Variants in SDK1 observed in about 807,000 individuals in gnomAD.
SDK1 encodes protein sidekick-1.
In SDK1, 157 loss-of-function variants were observed where a neutral mutation model predicts 245.5. The observed-to-expected ratio is 0.64, with a 90% CI of 0.56 to 0.73. SDK1 has a LOEUF of 0.73. SDK1 is among the 30% of genes least tolerant of loss of function. The pLI is 0.00. For missense variants in SDK1, 3,583 were observed against 3,002.3 expected, an observed-to-expected ratio of 1.19 and a Z score of -4.52; for synonymous variants, 1,647 against 1,278.5, an observed-to-expected ratio of 1.29 and a Z score of -6.15.
chr7:3,574,112 AT>A (rs992264249), intron 1 of SDK1, among the ~76,000 whole-genome samples: 19 of 144,970 alleles, frequency 1.3e-4, no homozygotes, highest in South Asian at 1.1e-3. Context: ...CATATACCTG[AT>A]TTTTTTTTTC....
In SDK1 at chr7:3,576,927, C is replaced by A. The variant is rs186269860; in HGVS notation, c.299-42153C>A. Reference sequence around the variant, plus strand: ...GCAGTTTAGTTTCCTCATAGCTGGTCGGGCACCTGAAGAAATAGTAGACTT... The same window carrying A: ...GCAGTTTAGTTTCCTCATAGCTGGTAGGGCACCTGAAGAAATAGTAGACTT... On this transcript the variant is annotated intron_variant, in intron 1 of 44. Coordinates refer to ENST00000404826, the MANE Select transcript of SDK1 (RefSeq NM_152744.4). Among the ~76,000 whole-genome samples, 253 of 152,114 alleles carry A rather than the reference C, an allele frequency of 1.7e-3. 1 individual carries two copies. Among genetic ancestry groups the A allele is most frequent in the African/African-American group, 6.0e-3 (248 of 41,550 alleles).
In SDK1 at chr7:3,390,112, G is replaced by C. The variant is rs1781710847; in HGVS notation, c.298+88228G>C. On this transcript the variant is annotated intron_variant, in intron 1 of 44. Transcript: ENST00000404826. ...TGGCTATTTAGGAGGAGATTTCCAA[G>C]CAAATTGTTGAAGGTACTGCTTGGA... is the stretch of plus-strand genomic sequence containing the variant. 5.3e-5 allele frequency among the ~76,000 whole-genome samples: 8 copies of C among 152,264 alleles called. 1 individual carries two copies. In the South Asian group the frequency reaches 1.5e-3, roughly 28 times the overall value.
At chr7:3,958,177 C>T in intron 7 of SDK1, 1 of 347,698 alleles carries the variant, frequency 2.9e-6, no homozygotes, top group Non-Finnish European at 5.6e-6. Flanking sequence ...AGAAAGTGAA[C>T]ACAACAGCCT....
intron 1 of SDK1, among the ~76,000 whole-genome samples, chr7:3,316,336 C>T (rs1779661663): frequency 6.6e-6 from 1 of 152,058 alleles, no homozygotes; most frequent in East Asian, 1.9e-4. Flanking sequence ...TAGTTGGCTC[C>T]TGTGTTCAGT....
intron 35 of SDK1, among the ~76,000 whole-genome samples, chr7:4,196,781 G>C (rs77087297): frequency 0.1 from 15,366 of 152,266 alleles, 870 homozygotes; most frequent in South Asian, 0.17. Flanking sequence ...CAGGCACACA[G>C]ATCCTACCTC....
At chr7:3,883,741 A>C (rs1781264917) in intron 5 of SDK1, among the ~76,000 whole-genome samples, 1 of 128,102 alleles carries the variant, frequency 7.8e-6, no homozygotes, top group South Asian at 2.4e-4. Context: ...AGGGATCATC[A>C]CTCTTCCTCC....
intron 1 of SDK1, among the ~76,000 whole-genome samples, chr7:3,403,628 A>G (rs1032296519): frequency 1.3e-5 from 2 of 151,450 alleles, no homozygotes; most frequent in South Asian, 2.1e-4. Context: ...CACAAATACA[A>G]TAAGATATGG....
At chr7:3,637,045 T>C (rs1258309403) in intron 2 of SDK1, among the ~76,000 whole-genome samples, 2 of 149,952 alleles carry the variant, frequency 1.3e-5, no homozygotes, top group African/African-American at 2.5e-5. Flanking sequence ...AGCTTTTTTT[T>C]CCTGATGCAG....
intron 4 of SDK1, among the ~76,000 whole-genome samples, chr7:3,659,495 C>T (rs1783288438): frequency 6.6e-6 from 1 of 152,168 alleles, no homozygotes; most frequent in African/African-American, 2.4e-5. Flanking sequence ...TGCAAAGGAG[C>T]TCAGGTGGCA....
intron 5 of SDK1, among the ~76,000 whole-genome samples, chr7:3,949,012 T>C (rs1780689358): frequency 6.6e-6 from 1 of 152,228 alleles, no homozygotes; most frequent in Non-Finnish European, 1.5e-5. Context: ...TTAGTCTGAT[T>C]GGCATTCCAT....
intron 32 of SDK1, among the ~76,000 whole-genome samples, chr7:4,167,940 C>G (rs144317458): frequency 4.3e-4 from 65 of 152,368 alleles, no homozygotes; most frequent in Middle Eastern, 6.8e-3. Flanking sequence ...TGACCTTGAC[C>G]TCATGGGTTC....
intron 4 of SDK1, among the ~76,000 whole-genome samples, chr7:3,815,586 G>T (rs1191662611): frequency 6.8e-6 from 1 of 147,660 alleles, no homozygotes; most frequent in East Asian, 2.0e-4. Context: ...TTTTTTGGTT[G>T]TGTCTCTGCC....
intron 35 of SDK1, among the ~76,000 whole-genome samples, chr7:4,194,165 G>T (rs1003064170): frequency 6.6e-6 from 1 of 152,078 alleles, no homozygotes; most frequent in East Asian, 1.9e-4. Flanking sequence ...ATTAGTCAGG[G>T]TTCCCTAGAG....
chr7:3,663,402 G>C (rs773335471), intron 4 of SDK1, among the ~76,000 whole-genome samples: 3 of 152,200 alleles, frequency 2.0e-5, no homozygotes, highest in Non-Finnish European at 2.9e-5. Flanking sequence ...GAAATATATA[G>C]GGAAGTGGGA....
intron 5 of SDK1, among the ~76,000 whole-genome samples, chr7:3,936,850 A>C (rs988059131): frequency 3.9e-5 from 6 of 152,144 alleles, no homozygotes; most frequent in African/African-American, 1.2e-4. Flanking sequence ...AGGAGGCAGC[A>C]GTAGGGGTGG....
intron 1 of SDK1, among the ~76,000 whole-genome samples, chr7:3,601,237 G>A (rs1212338028): frequency 6.6e-6 from 1 of 152,164 alleles, no homozygotes; most frequent in Non-Finnish European, 1.5e-5. Flanking sequence ...TTCAAGAAAT[G>A]AATTGGGAGA....
At chr7:3,762,551 G>A (rs1309009002) in intron 4 of SDK1, among the ~76,000 whole-genome samples, 2 of 152,214 alleles carry the variant, frequency 1.3e-5, no homozygotes, top group South Asian at 4.1e-4. Flanking sequence ...GGAAAATTGT[G>A]CTTTGGTTGG....
At chr7:3,328,075 A>C (rs1779978658) in intron 1 of SDK1, among the ~76,000 whole-genome samples, 1 of 152,088 alleles carries the variant, frequency 6.6e-6, no homozygotes, top group African/African-American at 2.4e-5. Flanking sequence ...ATAACGTGTT[A>C]CTGGTATGGT....
intron 1 of SDK1, among the ~76,000 whole-genome samples, chr7:3,359,142 G>C (rs1160203800): frequency 6.6e-6 from 1 of 152,108 alleles, no homozygotes; most frequent in Non-Finnish European, 1.5e-5. Context: ...AGTCCCATTT[G>C]GTGCTTTTCT....
Sources: allele counts gnomAD v4.1 joint callset (sites outside exome capture counted in the v4.1 genomes callset), GRCh38; gene constraint gnomAD v4.1.1; transcripts MANE v1.5; gene names NCBI Gene and HGNC (gene_info 2026-07-23, HGNC 2026-07-21).